The following FAP variants were observed in gnomAD, a reference collection of about 807,000 sequenced individuals.
FAP encodes the protein fibroblast activation protein alpha, also known as prolyl endopeptidase FAP.
FAP carries 110 observed loss-of-function variants against 126.5 expected under a neutral mutation model. The observed-to-expected ratio is 0.87, with a 90% CI of 0.74 to 1.02. The LOEUF is 1.02. FAP is among the 50% of genes least tolerant of loss of function. FAP has a pLI of 0.00. For missense variants in FAP, 919 were observed against 909.2 expected (o/e 1.01, Z -0.14); for synonymous variants, 334 against 297.3 (o/e 1.12, Z -1.27).
At chr2:162,195,506 C>G (rs1355101611) in intron 16 of FAP, among the ~76,000 whole-genome samples, 2 of 151,740 alleles carry the variant, frequency 1.3e-5, no homozygotes, top group South Asian at 2.1e-4. Flanking sequence ...GAAAACTCTT[C>G]TCTTCTCCCG....
chr2:162,221,202 G>T (rs1689378148), intron 6 of FAP, among the ~76,000 whole-genome samples: 1 of 152,108 alleles, frequency 6.6e-6, no homozygotes, highest in Non-Finnish European at 1.5e-5. Flanking sequence ...CCAGGCCCCT[G>T]GGTGATCGGG....
At chr2:162,219,990 G>A in intron 6 of FAP, 65 bp from the exon 7 acceptor site, 1 of 1,070,820 alleles carries the variant, frequency 9.3e-7, no homozygotes, top group Non-Finnish European at 1.4e-6. Context: ...ATAATAATCT[G>A]TATGAACAGA....
At chr2:162,230,198 C>T (rs974002173) in intron 2 of FAP, among the ~76,000 whole-genome samples, 2 of 152,090 alleles carry the variant, frequency 1.3e-5, no homozygotes, top group African/African-American at 2.4e-5. Flanking sequence ...AACATGACCA[C>T]GTGTTCATAA....
chr2:162,214,046 C>T lies in FAP; in HGVS notation c.894G>A (p.Trp298Ter). The change falls in exon 11 of 26, where the codon TGG (tryptophan) becomes TGA (stop). Residue 298 changes from tryptophan to a stop codon, truncating the protein, a stop_gained. Coordinates refer to ENST00000188790, the MANE Select transcript of FAP (RefSeq NM_004460.5). LOFTEE classifies it high-confidence loss of function. ...GCAAACATACTCGTTCATCAGTAAC[C>T]CACGTGAGCCAACTGAAATAATAAT... ...SSDYYFSWLT[W>*]VTDERVCLQW... is the part of the protein sequence containing the mutation. 6.2e-7 allele frequency: 1 copy of T among 1,613,800 alleles called. No individual in the cohort carries two copies. Among genetic ancestry groups the T allele is most frequent in the South Asian group, 1.1e-5 (1 of 91,022 alleles).
In FAP at chr2:162,217,982, A is replaced by T. The variant is rs1355623313; in HGVS notation, c.762+4T>A. ...GAAAGCATCGCTGAAAGTATTCAAC[A>T]TACCTTTGGGTATGGAATATTTATT... On this transcript the variant is annotated splice_donor_region_variant and intron_variant, in intron 9 of 25. Coordinates refer to ENST00000188790, the MANE Select transcript of FAP (RefSeq NM_004460.5). 5 of 1,570,864 alleles carry T rather than the reference A, an allele frequency of 3.2e-6. No individual in the cohort carries two copies. The South Asian group carries it at 6.0e-5, about 19-fold the overall frequency.
In FAP at chr2:162,183,686, A is replaced by G. The variant is rs1687769225; in HGVS notation, c.1815-218T>C. ...TTCCCTTAGACTCTGTTGTACAGTT[A>G]TTGACTGGTAATGTCAGAGCGGTAT... On this transcript the variant is annotated intron_variant, in intron 20 of 25. Coordinates refer to ENST00000188790, the MANE Select transcript of FAP (RefSeq NM_004460.5). 4 of 450,004 alleles carry G rather than the reference A, an allele frequency of 8.9e-6. 1 individual carries two copies. The South Asian group carries it at 1.1e-4, about 13-fold the overall frequency. 27.9% of individuals were successfully genotyped at this position (450,004 alleles called of 1,614,324 possible). A position where few individuals can be genotyped will look rare whatever the true frequency, so the allele number is the denominator to read the frequency against.
intron 2 of FAP, among the ~76,000 whole-genome samples, chr2:162,242,242 T>G (rs959768956): frequency 6.6e-6 from 1 of 152,192 alleles, no homozygotes; most frequent in Non-Finnish European, 1.5e-5. Flanking sequence ...TACTTTATAT[T>G]TAAACTAGCT....
intron 2 of FAP, among the ~76,000 whole-genome samples, chr2:162,239,871 T>G (rs916688789): frequency 3.3e-5 from 5 of 152,212 alleles, no homozygotes; most frequent in Non-Finnish European, 7.3e-5. Flanking sequence ...AAATCATGAA[T>G]CAAGTTTGTG....
chr2:162,174,691 T>C (rs1484239836), intron 22 of FAP, among the ~76,000 whole-genome samples, 176 bp downstream of exon 22: 6 of 152,188 alleles, frequency 3.9e-5, no homozygotes. Context: ...TGAGATTTCA[T>C]TGATTGTTAC....
At chr2:162,183,293 C>T in intron 21 of FAP, 121 bp downstream of exon 21, 1 of 811,268 alleles carries the variant, frequency 1.2e-6, no homozygotes, top group Non-Finnish European at 2.1e-6. Context: ...TGACTGTTTC[C>T]ATTGACAGAT....
intron 2 of FAP, among the ~76,000 whole-genome samples, chr2:162,230,164 T>C (rs1689838127): frequency 6.6e-6 from 1 of 152,186 alleles, no homozygotes; most frequent in Admixed American, 6.6e-5. Context: ...GAAATTCAAA[T>C]TAAGCATTCT....
At chr2:162,225,201 C>T (rs140904594) in intron 4 of FAP, among the ~76,000 whole-genome samples, 135 of 152,240 alleles carry the variant, frequency 8.9e-4, no homozygotes, top group African/African-American at 2.9e-3. Context: ...AGGGACTGAG[C>T]CAGGATTTGA....
At chr2:162,231,222 T>C (rs1226642579) in intron 2 of FAP, among the ~76,000 whole-genome samples, 1 of 152,196 alleles carries the variant, frequency 6.6e-6, no homozygotes, top group East Asian at 1.9e-4. Context: ...TATGTGTGTG[T>C]CTGTGTGTAA....
intron 17 of FAP, among the ~76,000 whole-genome samples, chr2:162,193,188 A>G (rs1044087963): frequency 7.2e-5 from 11 of 152,156 alleles, no homozygotes; most frequent in African/African-American, 2.4e-4. Flanking sequence ...CTGCTCCAAA[A>G]CAGCAGCTGA....
chr2:162,223,472 T>C (rs1335769458), intron 6 of FAP, 136 bp downstream of exon 6: 5 of 630,546 alleles, frequency 7.9e-6, no homozygotes, highest in South Asian at 2.1e-5. Context: ...TATGGGTACA[T>C]ACATACTGTA....
intron 21 of FAP, among the ~76,000 whole-genome samples, chr2:162,177,031 T>C (rs1401270507): frequency 1.3e-5 from 2 of 152,046 alleles, no homozygotes; most frequent in Non-Finnish European, 2.9e-5. Context: ...CTATTCCTAT[T>C]GTAGAAATGA....
intron 23 of FAP, 67 bp from the exon 24 acceptor site, chr2:162,173,288 T>C (rs1368613264): frequency 3.8e-5 from 44 of 1,145,168 alleles, no homozygotes; most frequent in Non-Finnish European, 5.2e-5. Context: ...GCTAAATCAT[T>C]GTGCAATGGA....
At chr2:162,234,873 G>T (rs1160243175) in intron 2 of FAP, among the ~76,000 whole-genome samples, 1 of 152,138 alleles carries the variant, frequency 6.6e-6, no homozygotes, top group Non-Finnish European at 1.5e-5. Context: ...AGGCAGGGAG[G>T]GGAACCCGGG....
chr2:162,213,362 G>A (rs1471006157), intron 11 of FAP, among the ~76,000 whole-genome samples: 12 of 144,700 alleles, frequency 8.3e-5, no homozygotes, highest in African/African-American at 2.8e-4. Context: ...GCGACAGAGC[G>A]AGACGCCATC....
Sources: gnomAD v4.1 joint callset for allele counts (sites outside exome capture counted in the v4.1 genomes callset) on GRCh38, gnomAD v4.1.1 for gene constraint, MANE v1.5 for transcripts, NCBI Gene and HGNC (gene_info 2026-07-23, HGNC 2026-07-21) for gene names.